LMX1A: variants seen among roughly 807,000 people sequenced by gnomAD.
The protein encoded by LMX1A is LIM homeobox transcription factor 1 alpha.
A neutral mutation model predicts 49.1 loss-of-function variants in LMX1A; 15 were observed. That is an observed-to-expected ratio of 0.31 (90% CI 0.20 to 0.47). LMX1A has a LOEUF of 0.47. Ranked by LOEUF, LMX1A falls within the 20% of genes least tolerant of loss-of-function variation. The pLI is 1.00. For missense variants in LMX1A, 372 were observed against 475.8 expected (o/e 0.78, Z 2.03); for synonymous variants, 167 against 185.7 (o/e 0.90, Z 0.82).
chr1:165,268,399 T>C (rs943954905), intron 3 of LMX1A, among the ~76,000 whole-genome samples: 3 of 152,212 alleles, frequency 2.0e-5, no homozygotes, highest in African/African-American at 7.2e-5. Context: ...GTGAAGCAGA[T>C]GGCTCAGGAG....
chr1:165,285,207 C>T (rs1303973226), intron 3 of LMX1A, among the ~76,000 whole-genome samples: 2 of 152,164 alleles, frequency 1.3e-5, no homozygotes, highest in East Asian at 3.8e-4. Flanking sequence ...ATAGTTTTGG[C>T]CCATAGCACA....
intron 3 of LMX1A, among the ~76,000 whole-genome samples, chr1:165,344,818 A>C (rs912280095): frequency 2.6e-5 from 4 of 152,218 alleles, no homozygotes; most frequent in African/African-American, 2.4e-5. Flanking sequence ...CAAAACTGCA[A>C]AAACTAACAC....
chr1:165,261,744 T>A (rs1049902888), intron 3 of LMX1A, among the ~76,000 whole-genome samples: 2 of 152,118 alleles, frequency 1.3e-5, no homozygotes, highest in Admixed American at 6.5e-5. Context: ...TACAACATAA[T>A]GAGGACATTA....
chr1:165,204,004 T>C lies in LMX1A; in HGVS notation c.1025A>G (p.Asp342Gly), dbSNP rs142270152. ...EPLFHDLDSD[D>G]TSLSNLGDCF... Reference sequence around the variant, plus strand: ...ATCACCCAGGTTACTGAGGGAGGTGTCGTCGCTATCCAGGTCATGGAAAAG... The same window carrying C: ...ATCACCCAGGTTACTGAGGGAGGTGCCGTCGCTATCCAGGTCATGGAAAAG... The change falls in exon 9 of 9, where the codon GAC becomes GGC. Residue 342 changes from aspartate (D) to glycine (G), a missense_variant. Coordinates refer to ENST00000342310, the MANE Select transcript of LMX1A (RefSeq NM_177398.4). The C allele has an allele frequency of 6.8e-6, 11 of 1,613,990 alleles. No homozygotes were observed. Among genetic ancestry groups the C allele is most frequent in the African/African-American group, 1.3e-5 (1 of 74,900 alleles).
At chr1:165,293,511 A>G (rs1415052130) in intron 3 of LMX1A, among the ~76,000 whole-genome samples, 1 of 152,246 alleles carries the variant, frequency 6.6e-6, no homozygotes, top group East Asian at 1.9e-4. Flanking sequence ...CGGCATTCGA[A>G]CTAAAACTCA....
At chr1:165,229,482 T>G (rs1243136487) in intron 4 of LMX1A, among the ~76,000 whole-genome samples, 1 of 152,164 alleles carries the variant, frequency 6.6e-6, no homozygotes, top group African/African-American at 2.4e-5. Context: ...AGCCCCGCAG[T>G]GGGTGGGAGG....
chr1:165,351,159 G>C (rs1656416310), intron 3 of LMX1A, among the ~76,000 whole-genome samples: 1 of 142,494 alleles, frequency 7.0e-6, no homozygotes, highest in Non-Finnish European at 1.6e-5. Flanking sequence ...AGCCTTCTTT[G>C]ATTCGTGATT....
intron 3 of LMX1A, among the ~76,000 whole-genome samples, chr1:165,337,434 T>C (rs983182591): frequency 1.3e-5 from 2 of 152,014 alleles, no homozygotes; most frequent in African/African-American, 2.4e-5. Context: ...AAGAAACAAA[T>C]AGTAGATCCT....
intron 3 of LMX1A, among the ~76,000 whole-genome samples, chr1:165,308,874 A>C (rs952731596): frequency 6.6e-6 from 1 of 152,154 alleles, no homozygotes; most frequent in Non-Finnish European, 1.5e-5. Context: ...TGATCTGCTC[A>C]TCTTGAAAGC....
intron 3 of LMX1A, among the ~76,000 whole-genome samples, chr1:165,351,705 A>C (rs1279972565): frequency 1.3e-5 from 2 of 152,252 alleles, no homozygotes; most frequent in African/African-American, 4.8e-5. Flanking sequence ...TTTAGGGCAA[A>C]AAAGCGGAGT....
intron 3 of LMX1A, among the ~76,000 whole-genome samples, chr1:165,288,544 C>T (rs1281647539): frequency 3.3e-5 from 5 of 152,146 alleles, no homozygotes; most frequent in African/African-American, 9.7e-5. Flanking sequence ...GCCGGTCCTG[C>T]AAGCAGCCAA....
At chr1:165,206,148 T>C in intron 7 of LMX1A, 114 bp from the exon 8 acceptor site, 2 of 955,286 alleles carry the variant, frequency 2.1e-6, no homozygotes, top group African/African-American at 1.7e-5. Flanking sequence ...ACATCAGTGG[T>C]CCCAGCCTTT....
intron 4 of LMX1A, among the ~76,000 whole-genome samples, chr1:165,230,621 C>G (rs1344573077): frequency 6.6e-6 from 1 of 152,242 alleles, no homozygotes; most frequent in Admixed American, 6.5e-5. Flanking sequence ...TACCCTCCAG[C>G]TGCCCCTTGC....
At chr1:165,325,494 A>T (rs1161021668) in intron 3 of LMX1A, among the ~76,000 whole-genome samples, 13 of 149,744 alleles carry the variant, frequency 8.7e-5, no homozygotes, top group Non-Finnish European at 1.5e-4. Flanking sequence ...CATTCTTTCC[A>T]ACACTGTCTT....
In LMX1A at chr1:165,279,216, G is replaced by A. The variant is rs559376931; in HGVS notation, c.264-29576C>T. The stretch of plus-strand genomic sequence containing the variant: ...AGGCTGAAGTCTGTTATCCTTTGCA[G>A]GGGCTCCTGTGGTTGTGAGAAATAA... On this transcript the variant is annotated intron_variant, in intron 3 of 8. Transcript: ENST00000342310. Among the ~76,000 whole-genome samples, 13 of 152,290 alleles carry A rather than the reference G, an allele frequency of 8.5e-5. No individual in the cohort carries two copies. In the South Asian group the frequency reaches 2.7e-3, roughly 32 times the overall value.
intron 4 of LMX1A, among the ~76,000 whole-genome samples, chr1:165,230,101 A>G (rs1652186811): frequency 1.3e-5 from 2 of 152,188 alleles, no homozygotes; most frequent in Non-Finnish European, 2.9e-5. Flanking sequence ...AAAATCAGCA[A>G]TCTGAAACCC....
chr1:165,239,783 A>T (rs1316751193), intron 4 of LMX1A, among the ~76,000 whole-genome samples: 1 of 152,218 alleles, frequency 6.6e-6, no homozygotes. Context: ...GAATAACAAC[A>T]ATAAAAATAG....
chr1:165,347,424 T>C (rs1488856340), intron 3 of LMX1A, among the ~76,000 whole-genome samples: 1 of 152,238 alleles, frequency 6.6e-6, no homozygotes, highest in Non-Finnish European at 1.5e-5. Context: ...GGAGCCTTTC[T>C]GCTTCTATGC....
intron 3 of LMX1A, among the ~76,000 whole-genome samples, chr1:165,328,346 C>T (rs1451737194): frequency 6.6e-6 from 1 of 152,196 alleles, no homozygotes; most frequent in East Asian, 1.9e-4. Context: ...AGGAGGCTGT[C>T]CCATAGTGCT....
Sources: gnomAD v4.1 joint callset for allele counts (sites outside exome capture counted in the v4.1 genomes callset) on GRCh38, gnomAD v4.1.1 for gene constraint, MANE v1.5 for transcripts, NCBI Gene and HGNC (gene_info 2026-07-23, HGNC 2026-07-21) for gene names.